The following GART variants were observed in gnomAD, a reference collection of about 807,000 sequenced individuals.
The protein encoded by GART is trifunctional purine biosynthetic protein adenosine-3.
A neutral mutation model predicts 107.2 loss-of-function variants in GART; 43 were observed. The ratio of observed to expected loss-of-function variants is 0.40; its 90% confidence interval spans 0.31 to 0.52. The LOEUF (loss-of-function observed/expected upper bound fraction) is 0.52. Ranked by LOEUF, GART falls within the 20% of genes least tolerant of loss-of-function variation. GART has a pLI of 0.52. For synonymous variants in GART, 434 were observed against 427.0 expected, an observed-to-expected ratio of 1.02 and a Z score of -0.20; for missense variants, 1,107 against 1,206.5, an observed-to-expected ratio of 0.92 and a Z score of 1.22.
chr21:33,539,249 G>A lies in GART; in HGVS notation c.67C>T (p.Gln23Ter). 6.2e-7 allele frequency: 1 copy of A among 1,614,110 alleles called. No individual in the cohort carries two copies. The highest frequency in any genetic ancestry group is 8.5e-7 in the Non-Finnish European group (1 of 1,179,952). ...REHTLAWKLA[Q>*]SHHVKQVLVA... ...AACACTTGTTTGACATGATGAGACT[G>A]TGCAAGTTTCCAGGCCAGCGTATGT... is the stretch of plus-strand genomic sequence containing the variant. Residue 23 changes from glutamine (Q) to a stop codon, truncating the protein, a stop_gained, in exon 2 of 22, where the codon CAG becomes TAG. Transcript: ENST00000381815. LOFTEE classifies it high-confidence loss of function.
intron 10 of GART, among the ~76,000 whole-genome samples, chr21:33,525,869 CTTTT>C (rs35893472): frequency 3.0e-5 from 4 of 135,020 alleles, no homozygotes; most frequent in East Asian, 2.1e-4. Flanking sequence ...AGGGAACTTC[CTTTT>C]TTTTTTTTTT....
intron 16 of GART, among the ~76,000 whole-genome samples, chr21:33,513,788 C>T (rs1334840989): frequency 6.6e-6 from 1 of 152,100 alleles, no homozygotes; most frequent in East Asian, 1.9e-4. Context: ...AAAAATGATG[C>T]TACTAAGACA....
Position 33,511,313 on chromosome 21 carries a change from C to T in GART, c.2253G>A (p.Arg751=). 1.2e-6 allele frequency: 2 copies of T among 1,614,178 alleles called. No homozygotes were observed. Among genetic ancestry groups the T allele is most frequent in the Non-Finnish European group, 1.7e-6 (2 of 1,180,036 alleles). The change falls in exon 17 of 22, where the codon AGG becomes AGA. Residue 751 remains arginine, a synonymous_variant. Coordinates refer to ENST00000381815, the MANE Select transcript of GART (RefSeq NM_000819.5). ...VSKEQTEQIL[R]DIQQHKEEAW... ...CTTCTTCCTTGTGCTGCTGGATATCCCTCAGAATCTGCTCTGTCTGCTCCT... is the reference window on the plus strand; with the variant it reads ...CTTCTTCCTTGTGCTGCTGGATATCTCTCAGAATCTGCTCTGTCTGCTCCT...
chr21:33,506,147 CTT>C (rs375511825), intron 18 of GART, 43 bp from the exon 19 acceptor site: 3,645 of 1,222,776 alleles, frequency 3.0e-3, no homozygotes, highest in South Asian at 6.1e-3. Flanking sequence ...ACTACTACTT[CTT>C]TTTTTTTTTT....
chr21:33,518,793 C>A, intron 14 of GART: 2 of 494,216 alleles, frequency 4.0e-6, no homozygotes, highest in South Asian at 1.6e-5. Context: ...GGCAGAGCTT[C>A]AGTCGGTCTC....
intron 7 of GART, among the ~76,000 whole-genome samples, chr21:33,529,933 G>A (rs962040645): frequency 2.0e-5 from 3 of 151,110 alleles, no homozygotes; most frequent in African/African-American, 7.3e-5. Flanking sequence ...GGTAGCTCAC[G>A]CCTGTAATCC....
intron 3 of GART, 41 bp downstream of exon 3, chr21:33,535,184 G>T: frequency 8.1e-7 from 1 of 1,232,984 alleles, no homozygotes; most frequent in Non-Finnish European, 1.1e-6. Flanking sequence ...GCTTCTGTTT[G>T]CACTGAATAT....
chr21:33,510,824 G>C (rs1047686025), intron 17 of GART, among the ~76,000 whole-genome samples: 3 of 151,806 alleles, frequency 2.0e-5, no homozygotes, highest in African/African-American at 7.3e-5. Context: ...TTTAGTATGT[G>C]TCCTGCCAAA....
chr21:33,528,623 A>G lies in GART; in HGVS notation c.812-19T>C, dbSNP rs766041343. ...AGAATACCTTCATTAAAAAAGAAAAAAAAAAAAAAGAGAGAAAGAAAATCT... is the reference window on the plus strand; with the variant it reads ...AGAATACCTTCATTAAAAAAGAAAAGAAAAAAAAAGAGAGAAAGAAAATCT... On this transcript the variant is annotated intron_variant, in intron 8 of 21. Transcript: ENST00000381815. The G allele has an allele frequency of 6.7e-7, 1 of 1,484,612 alleles. No individual in the cohort carries two copies. The highest frequency in any genetic ancestry group is 9.1e-7 in the Non-Finnish European group (1 of 1,097,216). The allele number at this position is 1,484,612 out of a possible 1,614,324, so 92.0% of individuals were successfully genotyped here. A position where few individuals can be genotyped will look rare whatever the true frequency, so the allele number is the denominator to read the frequency against.
intron 10 of GART, among the ~76,000 whole-genome samples, chr21:33,526,970 T>C (rs1312460907): frequency 6.6e-6 from 1 of 152,228 alleles, no homozygotes; most frequent in Non-Finnish European, 1.5e-5. Flanking sequence ...AGCCATTTAG[T>C]GATTCTGAAT....
At chr21:33,526,055 G>C (rs1386777787) in intron 10 of GART, among the ~76,000 whole-genome samples, 2 of 151,596 alleles carry the variant, frequency 1.3e-5, no homozygotes, top group African/African-American at 2.4e-5. Context: ...ATTTTTAGTA[G>C]AGACAGGGTT....
chr21:33,511,259 T>C lies in GART; in HGVS notation c.2307A>G (p.Arg769=), dbSNP rs2084779744. The C allele has an allele frequency of 3.7e-6, 6 of 1,614,048 alleles. No homozygotes were observed. The highest frequency in any genetic ancestry group is 2.2e-5 in the East Asian group (1 of 44,896). The part of the protein sequence containing the change: ...EAWVIGSVVA[R]AEGSPRVKVK... ...TGAGTAAGGAGCAAGTACCTTCAGCTCGTGCAACCACACTGCCAATCACCC... is the reference window on the plus strand; with the variant it reads ...TGAGTAAGGAGCAAGTACCTTCAGCCCGTGCAACCACACTGCCAATCACCC... Residue 769 remains arginine (R), a synonymous_variant, in exon 17 of 22, where the codon CGA becomes CGG. Transcript: ENST00000381815.
In GART at chr21:33,528,854, A is replaced by G. The variant is rs373004355; in HGVS notation, c.807T>C (p.Tyr269=). ...TAGTAATGTGGGTGGGCCTACCTGT[A>G]TATGGAGTACCCTCTTGCTGCATGC... ...VDGMQQEGTP[Y]TGILYAGIML... The change falls in exon 8 of 22, where the codon TAT becomes TAC. Residue 269 remains tyrosine (Y), a synonymous_variant. Coordinates refer to ENST00000381815, the MANE Select transcript of GART (RefSeq NM_000819.5). 6.2e-7 allele frequency: 1 copy of G among 1,608,606 alleles called. No individual in the cohort carries two copies. Among genetic ancestry groups the G allele is most frequent in the African/African-American group, 1.3e-5 (1 of 74,846 alleles).
intron 20 of GART, among the ~76,000 whole-genome samples, chr21:33,504,910 A>T (rs1230586985): frequency 6.6e-6 from 1 of 152,248 alleles, no homozygotes; most frequent in East Asian, 1.9e-4. Context: ...CAGATGCTAG[A>T]TTAGTTCTGT....
intron 2 of GART, among the ~76,000 whole-genome samples, chr21:33,538,395 AT>A (rs2085344208): frequency 6.7e-6 from 1 of 149,966 alleles, no homozygotes; most frequent in South Asian, 2.1e-4. Flanking sequence ...TGCCTGGCTA[AT>A]TTTTGTATTT....
At chr21:33,511,586 A>C in intron 16 of GART, 128 bp from the exon 17 acceptor site, 1 of 965,702 alleles carries the variant, frequency 1.0e-6, no homozygotes, top group Non-Finnish European at 1.6e-6. Flanking sequence ...AAAACTATAA[A>C]TTGGCCTCTG....
chr21:33,504,395 G>T lies in GART; in HGVS notation c.2841+17C>A. ...TCTGACTACTAATATTATGTTGGTAGAAAAAGACATACTCACAGCTACAAA... is the reference window on the plus strand; with the variant it reads ...TCTGACTACTAATATTATGTTGGTATAAAAAGACATACTCACAGCTACAAA... On this transcript the variant is annotated intron_variant, in intron 21 of 21. Coordinates refer to ENST00000381815, the MANE Select transcript of GART (RefSeq NM_000819.5). 6.2e-7 allele frequency: 1 copy of T among 1,610,374 alleles called. No individual in the cohort carries two copies. The highest frequency in any genetic ancestry group is 2.2e-5 in the East Asian group (1 of 44,846).
At chr21:33,505,278 A>C (rs2145668650) in intron 20 of GART, among the ~76,000 whole-genome samples, 1 of 152,356 alleles carries the variant, frequency 6.6e-6, no homozygotes, top group South Asian at 2.1e-4. Flanking sequence ...CTTTGCAGTA[A>C]TGTGAAACAA....
intron 2 of GART, among the ~76,000 whole-genome samples, chr21:33,535,946 T>G (rs2085296951): frequency 6.6e-6 from 1 of 151,886 alleles, no homozygotes; most frequent in Non-Finnish European, 1.5e-5. Context: ...GAGAATCGCT[T>G]GAACTGGGGA....
Sources: gnomAD v4.1 joint callset for allele counts (sites outside exome capture counted in the v4.1 genomes callset) on GRCh38, gnomAD v4.1.1 for gene constraint, MANE v1.5 for transcripts, NCBI Gene and HGNC (gene_info 2026-07-23, HGNC 2026-07-21) for gene names.